The following ABCC4 variants were observed in gnomAD, a reference collection of about 807,000 sequenced individuals.
The protein encoded by ABCC4 is ATP-binding cassette sub-family C member 4.
Under a neutral mutation model 168.5 loss-of-function variants are expected in ABCC4, and 102 were observed. The ratio of observed to expected loss-of-function variants is 0.61; its 90% confidence interval spans 0.52 to 0.71. ABCC4 has a LOEUF of 0.71. Among genes scored for constraint, ABCC4 ranks in the 30% least tolerant of loss-of-function variants. The pLI is 0.00. For missense variants in ABCC4, 1,402 were observed against 1,605.8 expected (o/e 0.87, Z 2.17); for synonymous variants, 617 against 590.7 (o/e 1.04, Z -0.65).
intron 20 of ABCC4, among the ~76,000 whole-genome samples, chr13:95,105,868 G>GA (rs2034985082): frequency 6.6e-6 from 1 of 152,160 alleles, no homozygotes; most frequent in South Asian, 2.1e-4. Context: ...CCTTTTTCAG[G>GA]TGACCGCAAA....
chr13:95,062,473 A>G (rs1293593675), intron 26 of ABCC4, among the ~76,000 whole-genome samples: 1 of 135,118 alleles, frequency 7.4e-6, no homozygotes, highest in Non-Finnish European at 1.6e-5. Flanking sequence ...CTATCTGCGT[A>G]AGTTATTAAA....
At chr13:95,168,420 A>G (rs2037356485) in intron 14 of ABCC4, among the ~76,000 whole-genome samples, 1 of 152,212 alleles carries the variant, frequency 6.6e-6, no homozygotes, top group Non-Finnish European at 1.5e-5. Context: ...CCGGGACTTC[A>G]GTGGACAGAT....
rs541791231 is a variant in ABCC4, at chr13:95,058,526, G to A, written c.3366+4178C>T. Among the ~76,000 whole-genome samples, 11 of 129,362 alleles carry A rather than the reference G, an allele frequency of 8.5e-5. 1 individual carries two copies. The South Asian group carries it at 1.5e-3, about 18-fold the overall frequency. The allele number at this position is 129,362 out of a possible 152,430, so 84.9% of individuals were successfully genotyped here. ...AGATATTGCAGTGAGCTGAGATGGC[G>A]TCACTGCAGTCCAGCCTGGCAACAG... On this transcript the variant is annotated intron_variant, in intron 26 of 30. Transcript: ENST00000645237.
intron 4 of ABCC4, among the ~76,000 whole-genome samples, chr13:95,220,065 C>CAT (rs2039271499): frequency 6.6e-6 from 1 of 150,978 alleles, no homozygotes; most frequent in Admixed American, 6.6e-5. Context: ...GGGGTTTCAC[C>CAT]ATGTTGATCA....
chr13:95,164,100 G>A (rs1594213148), intron 16 of ABCC4, among the ~76,000 whole-genome samples: 1 of 150,974 alleles, frequency 6.6e-6, no homozygotes, highest in Non-Finnish European at 1.5e-5. Context: ...CAGAGAACTC[G>A]CATAGTTCTT....
intron 1 of ABCC4, among the ~76,000 whole-genome samples, chr13:95,257,657 C>T (rs957521044): frequency 1.3e-5 from 1 of 79,672 alleles, no homozygotes; most frequent in African/African-American, 4.3e-5. Context: ...AGTGAGACTT[C>T]ATCTCAAAAA....
At chr13:95,132,154 T>C (rs2139454955) in intron 19 of ABCC4, among the ~76,000 whole-genome samples, 1 of 152,326 alleles carries the variant, frequency 6.6e-6, no homozygotes, top group African/African-American at 2.4e-5. Context: ...AATACCAATA[T>C]CTGCAAATGC....
chr13:95,067,244 G>A (rs995630093), intron 25 of ABCC4, among the ~76,000 whole-genome samples: 1 of 152,144 alleles, frequency 6.6e-6, no homozygotes, highest in African/African-American at 2.4e-5. Context: ...AGAGATGACC[G>A]GAAAGGTGCA....
intron 1 of ABCC4, among the ~76,000 whole-genome samples, chr13:95,255,112 T>C (rs909935541): frequency 6.6e-6 from 1 of 152,128 alleles, no homozygotes; most frequent in African/African-American, 2.4e-5. Context: ...TGCAAATGGG[T>C]TTCAGAAAGA....
chr13:95,267,500 T>G (rs962103167), intron 1 of ABCC4, among the ~76,000 whole-genome samples: 1 of 152,130 alleles, frequency 6.6e-6, no homozygotes. Flanking sequence ...GAAAATGGAC[T>G]AATACACCAG....
chr13:95,087,660 TA>T (rs1181702455), intron 20 of ABCC4, among the ~76,000 whole-genome samples: 1 of 152,184 alleles, frequency 6.6e-6, no homozygotes, highest in Non-Finnish European at 1.5e-5. Context: ...TACCTTCAAT[TA>T]CAGGATGAAT....
At chr13:95,158,997 C>T (rs938622252) in intron 19 of ABCC4, among the ~76,000 whole-genome samples, 2 of 150,294 alleles carry the variant, frequency 1.3e-5, no homozygotes, top group Admixed American at 6.6e-5. Flanking sequence ...GCAGGAGGAT[C>T]GCTTGAGCCC....
Position 95,277,280 on chromosome 13 carries a change from C to T in ABCC4, c.74+23961G>A, listed in dbSNP as rs555091467. Among the ~76,000 whole-genome samples the T allele has an allele frequency of 5.9e-5, 9 of 151,928 alleles. No homozygotes were observed. In the East Asian group the frequency reaches 1.4e-3, roughly 23 times the overall value. On this transcript the variant is annotated intron_variant, in intron 1 of 30. Transcript: ENST00000645237. ...CACTAAAAAGAGGGGGTCAGAGTAA[C>T]AGTAAGATCCACACAGAAGGCCAGG...
intron 29 of ABCC4, among the ~76,000 whole-genome samples, chr13:95,037,249 A>G (rs1255486670): frequency 6.6e-6 from 1 of 152,206 alleles, no homozygotes; most frequent in Admixed American, 6.5e-5. Flanking sequence ...ATAAAAATCA[A>G]TGAAAGCACC....
intron 1 of ABCC4, among the ~76,000 whole-genome samples, chr13:95,295,702 T>C (rs1430002672): frequency 6.8e-6 from 1 of 146,450 alleles, no homozygotes; most frequent in Non-Finnish European, 1.5e-5. Context: ...CGGTGGCTCA[T>C]GCTTGTAATC....
rs1056778408 is a variant in ABCC4, at chr13:95,209,658, A to G, written c.622-61T>C. ...AGAAAAGCAAAACCAGTAAGAACACAGTACAGAAACGATCCACTGGAAAAG... is the reference window on the plus strand; with the variant it reads ...AGAAAAGCAAAACCAGTAAGAACACGGTACAGAAACGATCCACTGGAAAAG... On this transcript the variant is annotated intron_variant, in intron 5 of 30. Transcript: ENST00000645237. 8.1e-6 allele frequency: 12 copies of G among 1,488,236 alleles called. No homozygotes were observed. The African/African-American group carries it at 1.5e-4, about 19-fold the overall frequency. The allele number at this position is 1,488,236 out of a possible 1,614,324, so 92.2% of individuals were successfully genotyped here.
At chr13:95,273,810 TGG>T (rs2040901883) in intron 1 of ABCC4, among the ~76,000 whole-genome samples, 1 of 122,286 alleles carries the variant, frequency 8.2e-6, no homozygotes, top group Non-Finnish European at 1.7e-5. Flanking sequence ...GTTTTTTTTT[TGG>T]TTTGTTTTTT....
At chr13:95,167,814 G>A (rs1310257680) in intron 14 of ABCC4, among the ~76,000 whole-genome samples, 1 of 152,130 alleles carries the variant, frequency 6.6e-6, no homozygotes, top group African/African-American at 2.4e-5. Flanking sequence ...GGGCTGGGTC[G>A]ACAGCAAGAA....
chr13:95,154,573 C>A (rs2036797226), intron 19 of ABCC4, among the ~76,000 whole-genome samples: 1 of 152,146 alleles, frequency 6.6e-6, no homozygotes, highest in South Asian at 2.1e-4. Flanking sequence ...ATACTGGTGA[C>A]GAATGATGAC....
Sources: allele counts gnomAD v4.1 joint callset (sites outside exome capture counted in the v4.1 genomes callset), GRCh38; gene constraint gnomAD v4.1.1; transcripts MANE v1.5; gene names NCBI Gene and HGNC (gene_info 2026-07-23, HGNC 2026-07-21).